Variants in DGKB observed in about 807,000 individuals in gnomAD.
DGKB encodes the protein 90 kDa diacylglycerol kinase.
Under a neutral mutation model 114.3 loss-of-function variants are expected in DGKB, and 67 were observed. That is an observed-to-expected ratio of 0.59 (90% confidence interval 0.48 to 0.72). The LOEUF (loss-of-function observed/expected upper bound fraction) is 0.72. Among genes scored for constraint, DGKB ranks in the 30% least tolerant of loss-of-function variants. DGKB has a pLI of 0.00. For missense variants in DGKB, 907 were observed against 975.2 expected (o/e 0.93, Z 0.93); for synonymous variants, 398 against 323.1 (o/e 1.23, Z -2.49).
Position 14,607,484 on chromosome 7 carries a change from T to A in DGKB, c.1383A>T (p.Leu461=). ...GACTGTAAACCTGACGAGGATTTAA[T>A]AGATACTGGAATTTTCTGTAAATTC... The part of the protein sequence containing the change: ...GERIYRKFQY[L]LNPRQVYSLS... Residue 461 remains leucine (L), a synonymous_variant, in exon 17 of 26, where the codon CTA becomes CTT. Transcript: ENST00000402815. The A allele has an allele frequency of 6.3e-7, 1 of 1,583,620 alleles. No homozygotes were observed. The highest frequency in any genetic ancestry group is 2.2e-5 in the East Asian group (1 of 44,482).
At chr7:14,265,318 CTTTTT>C (rs781569705) in intron 23 of DGKB, among the ~76,000 whole-genome samples, 3 of 67,752 alleles carry the variant, frequency 4.4e-5, no homozygotes, top group Non-Finnish European at 7.5e-5. Flanking sequence ...CTCTTGCATT[CTTTTT>C]TTTTTTTTTT....
chr7:14,898,473 A>C (rs949883554), intron 1 of DGKB, among the ~76,000 whole-genome samples: 2 of 152,132 alleles, frequency 1.3e-5, no homozygotes, highest in African/African-American at 2.4e-5. Flanking sequence ...GGGAATGAGG[A>C]TAATAATTAT....
intron 20 of DGKB, among the ~76,000 whole-genome samples, chr7:14,531,729 A>C (rs1005349007): frequency 6.6e-6 from 1 of 151,440 alleles, no homozygotes; most frequent in Non-Finnish European, 1.5e-5. Context: ...AAGCCAAAAG[A>C]TTTTGAAAAG....
chr7:14,159,645 T>G (rs58467108), intron 25 of DGKB, among the ~76,000 whole-genome samples: 11,308 of 152,234 alleles, frequency 0.074, 811 homozygotes, highest in African/African-American at 0.18. Context: ...AATAAATGTT[T>G]GCTGAAAGAA....
chr7:14,933,553 T>C (rs1785135716), intron 1 of DGKB, among the ~76,000 whole-genome samples: 3 of 152,230 alleles, frequency 2.0e-5, no homozygotes, highest in Admixed American at 2.0e-4. Context: ...GCTAATTGCA[T>C]CACTCCAAAA....
intron 12 of DGKB, among the ~76,000 whole-genome samples, chr7:14,680,384 A>G (rs1268938283): frequency 1.3e-5 from 2 of 151,992 alleles, no homozygotes; most frequent in African/African-American, 2.4e-5. Context: ...GAGACATATG[A>G]TATTTAGATT....
intron 21 of DGKB, among the ~76,000 whole-genome samples, chr7:14,365,671 C>T (rs555748467): frequency 6.6e-6 from 1 of 152,048 alleles, no homozygotes; most frequent in Non-Finnish European, 1.5e-5. Context: ...AACCTAAGTT[C>T]TATACCATGC....
chr7:14,180,286 AGAGTT>A (rs1782443580), intron 23 of DGKB, among the ~76,000 whole-genome samples: 1 of 152,206 alleles, frequency 6.6e-6, no homozygotes. Flanking sequence ...TTCTCAAGAC[AGAGTT>A]AATCTGTGAG....
Position 14,731,628 on chromosome 7 carries a change from G to C in DGKB, c.322+4413C>G, listed in dbSNP as rs76986984. Among the ~76,000 whole-genome samples, 85 of 152,268 alleles carry C rather than the reference G, an allele frequency of 5.6e-4. 2 individuals are homozygous for C. In the East Asian group the frequency reaches 0.016, roughly 29 times the overall value. Reference sequence around the variant, plus strand: ...GGTTATGTTGAGTGTTCAAGTTGTAGGGACTGATATGGGAGATGACAATTT... The same window carrying C: ...GGTTATGTTGAGTGTTCAAGTTGTACGGACTGATATGGGAGATGACAATTT... On this transcript the variant is annotated intron_variant, in intron 5 of 25. Coordinates refer to ENST00000402815, the MANE Select transcript of DGKB (RefSeq NM_001350709.2).
At chr7:14,291,813 C>A (rs1040052363) in intron 23 of DGKB, among the ~76,000 whole-genome samples, 1 of 152,122 alleles carries the variant, frequency 6.6e-6, no homozygotes, top group African/African-American at 2.4e-5. Context: ...GAACCCTATG[C>A]GGCAAAGATC....
chr7:14,278,373 C>T (rs1799340975), intron 23 of DGKB, among the ~76,000 whole-genome samples: 1 of 152,058 alleles, frequency 6.6e-6, no homozygotes, highest in Admixed American at 6.6e-5. Context: ...GGCAAAGATG[C>T]CAAAAACACA....
intron 20 of DGKB, among the ~76,000 whole-genome samples, chr7:14,550,449 A>G (rs1323211078): frequency 6.6e-6 from 1 of 152,202 alleles, no homozygotes. Context: ...AATCTAAGTC[A>G]TTCTGGAGAT....
chr7:14,919,299 C>T (rs1050320232), intron 1 of DGKB, among the ~76,000 whole-genome samples: 2 of 151,750 alleles, frequency 1.3e-5, no homozygotes, highest in Admixed American at 6.6e-5. Flanking sequence ...CAACAGAGAG[C>T]CAAGAAATAC....
chr7:14,656,753 T>TACACACACACACACAC (rs56208974), intron 13 of DGKB, among the ~76,000 whole-genome samples: 71 of 149,328 alleles, frequency 4.8e-4, no homozygotes, highest in African/African-American at 1.7e-3. Flanking sequence ...ATAGGATATA[T>TACACACACACACACAC]ACACACACAC....
At chr7:14,400,720 G>C (rs1822972673) in intron 21 of DGKB, among the ~76,000 whole-genome samples, 1 of 149,714 alleles carries the variant, frequency 6.7e-6, no homozygotes, top group South Asian at 2.1e-4. Flanking sequence ...AAAAAATTCT[G>C]TCTAGACGTA....
intron 5 of DGKB, among the ~76,000 whole-genome samples, chr7:14,723,134 G>C (rs149617896): frequency 5.9e-5 from 9 of 151,600 alleles, no homozygotes; most frequent in Admixed American, 3.3e-4. Flanking sequence ...TAAGAAGTTT[G>C]CACTAATCTA....
intron 23 of DGKB, among the ~76,000 whole-genome samples, chr7:14,240,524 G>C (rs116448992): frequency 6.6e-6 from 1 of 152,002 alleles, no homozygotes; most frequent in South Asian, 2.1e-4. Context: ...ATCATTATCA[G>C]AGCTGTCCCT....
intron 21 of DGKB, among the ~76,000 whole-genome samples, chr7:14,346,430 T>C (rs1436314380): frequency 1.3e-5 from 2 of 151,958 alleles, no homozygotes; most frequent in African/African-American, 2.4e-5. Context: ...TATCTAAACA[T>C]AGTCAATAAT....
intron 5 of DGKB, among the ~76,000 whole-genome samples, chr7:14,724,230 T>C (rs1451677921): frequency 6.6e-6 from 1 of 152,206 alleles, no homozygotes; most frequent in Non-Finnish European, 1.5e-5. Flanking sequence ...ATCCATACTA[T>C]TGGTCATAAT....
Sources: gnomAD v4.1 joint callset for allele counts (sites outside exome capture counted in the v4.1 genomes callset) on GRCh38, gnomAD v4.1.1 for gene constraint, MANE v1.5 for transcripts, NCBI Gene and HGNC (gene_info 2026-07-23, HGNC 2026-07-21) for gene names.